The following PDZD2 variants were observed in gnomAD, a reference collection of about 807,000 sequenced individuals.
PDZD2 encodes PDZ domain containing 2, also known as PDZ domain-containing protein 2.
In PDZD2, 90 loss-of-function variants were observed where a neutral mutation model predicts 220.7. The observed-to-expected ratio is 0.41, with a 90% CI of 0.34 to 0.49. The LOEUF is 0.49. Ranked by LOEUF, PDZD2 falls within the 20% of genes least tolerant of loss-of-function variation. PDZD2 has a pLI of 0.28. For synonymous variants in PDZD2, 1,375 were observed against 1,450.5 expected, an observed-to-expected ratio of 0.95 and a Z score of 1.18; for missense variants, 3,174 against 3,608.5, an observed-to-expected ratio of 0.88 and a Z score of 3.08.
chr5:32,064,936 C>A (rs747929045), intron 14 of PDZD2, among the ~76,000 whole-genome samples: 3 of 152,048 alleles, frequency 2.0e-5, no homozygotes, highest in Non-Finnish European at 4.4e-5. Flanking sequence ...CCACTGCACA[C>A]CAGCCTGGGT....
intron 2 of PDZD2, among the ~76,000 whole-genome samples, chr5:31,840,036 A>C (rs2150281922): frequency 6.6e-6 from 1 of 152,246 alleles, no homozygotes; most frequent in South Asian, 2.1e-4. Context: ...AAAGCAGCAG[A>C]GAATGGACTA....
chr5:31,908,274 C>T (rs954183504), intron 2 of PDZD2: 12 of 213,806 alleles, frequency 5.6e-5, no homozygotes, highest in Non-Finnish European at 9.2e-5. Context: ...GCCCCGCCCC[C>T]GCTCCCCATG....
chr5:31,926,496 A>G (rs896200805), intron 2 of PDZD2, among the ~76,000 whole-genome samples: 1 of 137,504 alleles, frequency 7.3e-6, no homozygotes, highest in Non-Finnish European at 1.5e-5. Flanking sequence ...ACTGCACTCC[A>G]GCCTGGGCAA....
rs1218937438 is a variant in PDZD2, at chr5:31,879,365, C to T, written c.476+79641C>T. On this transcript the variant is annotated intron_variant, in intron 2 of 24. Coordinates refer to ENST00000438447, the MANE Select transcript of PDZD2 (RefSeq NM_178140.4). ...TCGTGCCATTGCACTCCAGCCTGGG[C>T]GACAGAGCGAGACTCTGTCTCAAAA... is the stretch of plus-strand genomic sequence containing the variant. Among the ~76,000 whole-genome samples the T allele has an allele frequency of 3.5e-5, 5 of 142,622 alleles. 1 individual carries two copies. In the Admixed American group the frequency reaches 3.7e-4, roughly 10 times the overall value. The allele number at this position is 142,622 out of a possible 152,430, so 93.6% of individuals were successfully genotyped here. A position where few individuals can be genotyped will look rare whatever the true frequency, so the allele number is the denominator to read the frequency against.
chr5:32,101,168 G>T lies in PDZD2; in HGVS notation c.8282G>T (p.Gly2761Val). ...VEVLKTSAGL[G>V]LSLDGGKSSV... ...GTGCTGAAGACCTCGGCTGGGCTGGGACTGAGTCTGGATGGGGGAAAATCA... is the reference window on the plus strand; with the variant it reads ...GTGCTGAAGACCTCGGCTGGGCTGGTACTGAGTCTGGATGGGGGAAAATCA... Residue 2761 changes from glycine (G) to valine (V), a missense_variant, in exon 24 of 25, where the codon GGA (glycine) becomes GTA (valine). Transcript: ENST00000438447. 4 of 1,614,104 alleles carry T rather than the reference G, an allele frequency of 2.5e-6. No homozygotes were observed. Among genetic ancestry groups the T allele is most frequent in the Non-Finnish European group, 3.4e-6 (4 of 1,179,980 alleles).
chr5:31,968,374 C>T (rs1367905898), intron 2 of PDZD2, among the ~76,000 whole-genome samples: 3 of 151,970 alleles, frequency 2.0e-5, no homozygotes, highest in Non-Finnish European at 4.4e-5. Context: ...AAAAAACAAG[C>T]TGGGCACGGT....
intron 20 of PDZD2, 61 bp downstream of exon 20, chr5:32,091,236 G>T: frequency 3.1e-5 from 29 of 933,798 alleles, no homozygotes; most frequent in East Asian, 6.1e-5. Context: ...AATAGTTTTA[G>T]ATTTATAGAA....
chr5:31,740,757 A>G (rs1021034129), intron 1 of PDZD2, among the ~76,000 whole-genome samples: 6 of 152,020 alleles, frequency 3.9e-5, no homozygotes, highest in Admixed American at 3.3e-4. Context: ...TTCCCTTGCA[A>G]ATTGGTGTGC....
chr5:31,978,131 G>A (rs553670890), intron 2 of PDZD2, among the ~76,000 whole-genome samples: 146 of 152,242 alleles, frequency 9.6e-4, no homozygotes, highest in Non-Finnish European at 1.4e-3. Context: ...CATGCCAGAG[G>A]AAAATTGCAA....
intron 13 of PDZD2, among the ~76,000 whole-genome samples, chr5:32,060,073 T>C (rs1400244885): frequency 1.3e-5 from 2 of 152,194 alleles, no homozygotes; most frequent in Non-Finnish European, 2.9e-5. Context: ...AGTCCTTTAG[T>C]GGTTAAGGGA....
At chr5:31,835,476 G>T (rs952963418) in intron 2 of PDZD2, among the ~76,000 whole-genome samples, 2 of 152,018 alleles carry the variant, frequency 1.3e-5, no homozygotes, top group East Asian at 3.9e-4. Context: ...AATTAGCCAG[G>T]CGTGGTGGCG....
chr5:31,698,777 C>T (rs1295734173), intron 1 of PDZD2, among the ~76,000 whole-genome samples: 1 of 152,026 alleles, frequency 6.6e-6, no homozygotes. Flanking sequence ...AGTAGGTGGC[C>T]CCAAGGTTAC....
chr5:31,831,301 T>C (rs1258360222), intron 2 of PDZD2, among the ~76,000 whole-genome samples: 4 of 150,434 alleles, frequency 2.7e-5, no homozygotes, highest in Non-Finnish European at 4.4e-5. Context: ...GCCAACATGG[T>C]GAAACCCCAT....
Position 32,037,239 on chromosome 5 carries a change from G to A in PDZD2, c.1416G>A (p.Gly472=). ...TSSSVQRAMP[G]TDEPQDVCGA... Reference sequence around the variant, plus strand: ...TGCTTTCTGCATTTCAGATGCCTGGGACAGATGAACCCCAAGATGTGTGCG... The same window carrying A: ...TGCTTTCTGCATTTCAGATGCCTGGAACAGATGAACCCCAAGATGTGTGCG... The change falls in exon 7 of 25, where the codon GGG becomes GGA. Residue 472 remains glycine, a synonymous_variant. Transcript: ENST00000438447. 6.2e-7 allele frequency: 1 copy of A among 1,611,456 alleles called. No individual in the cohort carries two copies. The highest frequency in any genetic ancestry group is 8.5e-7 in the Non-Finnish European group (1 of 1,177,548).
At chr5:31,784,617 T>G (rs1753266438) in intron 1 of PDZD2, among the ~76,000 whole-genome samples, 1 of 152,154 alleles carries the variant, frequency 6.6e-6, no homozygotes, top group Admixed American at 6.5e-5. Flanking sequence ...AAGAAGTTAG[T>G]GATGCCTGAG....
intron 2 of PDZD2, among the ~76,000 whole-genome samples, chr5:31,901,805 T>A (rs1742130759): frequency 6.6e-6 from 1 of 152,220 alleles, no homozygotes; most frequent in Non-Finnish European, 1.5e-5. Context: ...TCAACCACTC[T>A]TTGATTTGCT....
intron 7 of PDZD2, among the ~76,000 whole-genome samples, chr5:32,047,816 G>T (rs1738125197): frequency 6.6e-6 from 1 of 152,348 alleles, no homozygotes; most frequent in South Asian, 2.1e-4. Flanking sequence ...CTATTGGCAT[G>T]CAATACCGTG....
At chr5:32,014,550 C>T (rs1753580510) in intron 6 of PDZD2, among the ~76,000 whole-genome samples, 2 of 152,010 alleles carry the variant, frequency 1.3e-5, no homozygotes, top group South Asian at 4.1e-4. Context: ...ACGACTCACC[C>T]CCACTGTCAC....
intron 14 of PDZD2, among the ~76,000 whole-genome samples, chr5:32,062,541 G>T (rs971470297): frequency 6.6e-6 from 1 of 151,892 alleles, no homozygotes; most frequent in Non-Finnish European, 1.5e-5. Context: ...CCATGGGTGC[G>T]TGCCAATACA....
Sources: gnomAD v4.1 joint callset for allele counts (sites outside exome capture counted in the v4.1 genomes callset) on GRCh38, gnomAD v4.1.1 for gene constraint, MANE v1.5 for transcripts, NCBI Gene and HGNC (gene_info 2026-07-23, HGNC 2026-07-21) for gene names.